The following DLG2 variants were observed in gnomAD, a reference collection of about 807,000 sequenced individuals.
DLG2 encodes the protein disks large homolog 2.
DLG2 carries 45 observed loss-of-function variants against 132.5 expected under a neutral mutation model. The observed-to-expected ratio is 0.34, with a 90% CI of 0.27 to 0.44. The LOEUF is 0.44. Ranked by LOEUF, DLG2 falls within the 20% of genes least tolerant of loss-of-function variation. DLG2 has a pLI of 1.00. For missense variants in DLG2, 1,045 were observed against 1,196.9 expected, an observed-to-expected ratio of 0.87 and a Z score of 1.87; for synonymous variants, 424 against 419.6, an observed-to-expected ratio of 1.01 and a Z score of -0.13.
intron 15 of DLG2, among the ~76,000 whole-genome samples, chr11:83,918,914 G>A (rs926933846): frequency 1.3e-5 from 2 of 152,170 alleles, no homozygotes; most frequent in Non-Finnish European, 2.9e-5. Context: ...CCAGTTCTTA[G>A]AAGTCTAGCG....
At chr11:84,186,950 C>T (rs755135109) in intron 8 of DLG2, among the ~76,000 whole-genome samples, 1 of 151,858 alleles carries the variant, frequency 6.6e-6, no homozygotes, top group Admixed American at 6.6e-5. Flanking sequence ...AATATGTATG[C>T]ACCCCTCAGT....
At chr11:84,795,318 C>G (rs2074428284) in intron 6 of DLG2, among the ~76,000 whole-genome samples, 1 of 151,926 alleles carries the variant, frequency 6.6e-6, no homozygotes, top group African/African-American at 2.4e-5. Context: ...GGGAGCTGAA[C>G]AGATGCCAGG....
At chr11:84,891,209 C>G (rs902899767) in intron 6 of DLG2, among the ~76,000 whole-genome samples, 1 of 152,126 alleles carries the variant, frequency 6.6e-6, no homozygotes, top group Admixed American at 6.6e-5. Context: ...AAAGACTACA[C>G]AGTTGGCTTT....
intron 19 of DLG2, among the ~76,000 whole-genome samples, chr11:83,611,742 T>A (rs1378039711): frequency 6.6e-6 from 1 of 152,192 alleles, no homozygotes; most frequent in Non-Finnish European, 1.5e-5. Context: ...TATTCTCTTC[T>A]TTGTCCGCTG....
At chr11:83,505,588 C>G (rs1011290901) in intron 21 of DLG2, among the ~76,000 whole-genome samples, 3 of 152,204 alleles carry the variant, frequency 2.0e-5, no homozygotes, top group African/African-American at 7.2e-5. Flanking sequence ...TATACCTCTT[C>G]CCCAAATTTC....
At chr11:84,256,919 C>A (rs117785759) in intron 7 of DLG2, among the ~76,000 whole-genome samples, 1,763 of 152,284 alleles carry the variant, frequency 0.012, 11 homozygotes, top group Non-Finnish European at 0.018. Context: ...AGATAGCATG[C>A]TAGCAAACTT....
At chr11:85,464,623 C>A (rs1187530519) in intron 3 of DLG2, among the ~76,000 whole-genome samples, 1 of 152,090 alleles carries the variant, frequency 6.6e-6, no homozygotes, top group African/African-American at 2.4e-5. Context: ...AGTCACAAAT[C>A]TTGTGACCTC....
At chr11:85,345,334 C>T (rs976146973) in intron 3 of DLG2, among the ~76,000 whole-genome samples, 12 of 152,082 alleles carry the variant, frequency 7.9e-5, no homozygotes, top group Admixed American at 2.6e-4. Context: ...GGAGAACCCC[C>T]GACTCCCCAA....
At chr11:84,121,602 C>T (rs2093920300) in intron 9 of DLG2, among the ~76,000 whole-genome samples, 1 of 117,274 alleles carries the variant, frequency 8.5e-6, no homozygotes. Context: ...CGCTCTGTGG[C>T]CCAGGCTGGA....
intron 26 of DLG2, among the ~76,000 whole-genome samples, chr11:83,463,527 G>A (rs749268714): frequency 5.3e-5 from 8 of 152,304 alleles, no homozygotes; most frequent in Non-Finnish European, 1.2e-4. Context: ...AGTGGTTCAC[G>A]TCTGTAATCC....
chr11:85,014,262 G>A (rs767291339), intron 6 of DLG2, among the ~76,000 whole-genome samples: 1 of 152,116 alleles, frequency 6.6e-6, no homozygotes, highest in Non-Finnish European at 1.5e-5. Flanking sequence ...TACCCAGTGG[G>A]TTGCTGTAAA....
intron 4 of DLG2, among the ~76,000 whole-genome samples, chr11:85,225,491 G>C (rs914566565): frequency 6.6e-6 from 1 of 151,998 alleles, no homozygotes; most frequent in African/African-American, 2.4e-5. Context: ...CTTCTCCAGG[G>C]AAAGAGGTAG....
At chr11:84,683,808 G>A (rs779898644) in intron 6 of DLG2, among the ~76,000 whole-genome samples, 2 of 152,122 alleles carry the variant, frequency 1.3e-5, no homozygotes, top group Non-Finnish European at 2.9e-5. Context: ...TCCTATTGCT[G>A]AATCCAGAAA....
chr11:84,614,014 A>T (rs547675513), intron 6 of DLG2, among the ~76,000 whole-genome samples: 1 of 152,226 alleles, frequency 6.6e-6, no homozygotes, highest in Non-Finnish European at 1.5e-5. Flanking sequence ...ATATGAACAC[A>T]TTTGACCAAT....
chr11:83,915,660 T>G (rs374783478), intron 15 of DLG2, among the ~76,000 whole-genome samples: 1 of 152,168 alleles, frequency 6.6e-6, no homozygotes, highest in African/African-American at 2.4e-5. Context: ...TATAAGGACA[T>G]AGTATTAATG....
chr11:83,474,269 GAGC>G (rs1052380294), intron 22 of DLG2, among the ~76,000 whole-genome samples: 4 of 152,052 alleles, frequency 2.6e-5, no homozygotes, highest in African/African-American at 9.7e-5. Context: ...GAAATGTACA[GAGC>G]CTAGGCCAAA....
chr11:83,907,077 G>C (rs190203888), intron 15 of DLG2, among the ~76,000 whole-genome samples: 7 of 152,072 alleles, frequency 4.6e-5, no homozygotes, highest in African/African-American at 1.7e-4. Flanking sequence ...TGAAGATCTC[G>C]CACTGAAGTT....
At chr11:84,534,927 C>A in intron 6 of DLG2, 196 bp from the exon 7 acceptor site, 2 of 705,920 alleles carry the variant, frequency 2.8e-6, no homozygotes, top group East Asian at 5.2e-5. Context: ...GAGTTAACCA[C>A]GAATATTGAC....
chr11:85,346,356 T>A (rs1430905149), intron 3 of DLG2, among the ~76,000 whole-genome samples: 1 of 151,758 alleles, frequency 6.6e-6, no homozygotes, highest in African/African-American at 2.4e-5. Flanking sequence ...CCCAGCTAAA[T>A]TTTTTGTATT....
Sources: gnomAD v4.1 joint callset for allele counts (sites outside exome capture counted in the v4.1 genomes callset) on GRCh38, gnomAD v4.1.1 for gene constraint, MANE v1.5 for transcripts, NCBI Gene and HGNC (gene_info 2026-07-23, HGNC 2026-07-21) for gene names.